Variants in FHDC1 observed in about 807,000 individuals in gnomAD.
The protein encoded by FHDC1 is FH2 domain containing 1.
FHDC1 carries 25 observed loss-of-function variants against 52.6 expected under a neutral mutation model. That is an observed-to-expected ratio of 0.48 (90% confidence interval 0.35 to 0.66). The LOEUF (loss-of-function observed/expected upper bound fraction) is 0.66, where lower values mean the gene tolerates loss of function less well. Among genes scored for constraint, FHDC1 ranks in the 30% least tolerant of loss-of-function variants. The pLI is 0.01. For synonymous variants in FHDC1, 616 were observed against 581.5 expected (o/e 1.06, Z -0.85); for missense variants, 1,459 against 1,452.8 (o/e 1.00, Z -0.07).
chr4:152,929,415 T>G, the FHDC1 span, among the ~76,000 whole-genome samples: 1 of 152,206 alleles, frequency 6.6e-6, no homozygotes, highest in Admixed American at 6.5e-5. The surrounding 1 kb of genome is among the most constrained non-coding windows in gnomAD (Gnocchi z 4.1). Context: ...GGGATTTCCT[T>G]GTGTGCAAAC....
upstream of FHDC1, among the ~76,000 whole-genome samples, chr4:152,933,028 T>C (rs1466320836): frequency 2.0e-5 from 3 of 152,228 alleles, no homozygotes; most frequent in African/African-American, 7.2e-5. Flanking sequence ...GCAGTTCTTC[T>C]GCAGGGCCTG....
At position 152,964,971 on chromosome 4, in the gene FHDC1, G is replaced by A; in HGVS notation, c.1096G>A (p.Ala366Thr). The stretch of plus-strand genomic sequence containing the variant: ...AAAATTGCATCATGTTCAGAAGACT[G>A]CTAGGTGAGCAAGTGAATTGTGAGA... ...SEKLHHVQKTARLSLENTEAE... is the reference protein window; with the variant it reads ...SEKLHHVQKTTRLSLENTEAE... The change falls in exon 9 of 12, where the codon GCT (alanine) becomes ACT (threonine). Residue 366 changes from alanine to threonine, a missense_variant. By Grantham distance (58) the Ala-to-Thr change is moderately conservative (BLOSUM62 0). Transcript: ENST00000511601. The A allele has an allele frequency of 6.2e-7, 1 of 1,608,482 alleles. No individual in the cohort carries two copies. Among genetic ancestry groups the A allele is most frequent in the Non-Finnish European group, 8.5e-7 (1 of 1,178,044 alleles).
the FHDC1 span, among the ~76,000 whole-genome samples, chr4:152,924,754 G>A: frequency 4.6e-5 from 7 of 150,668 alleles, no homozygotes; most frequent in Non-Finnish European, 5.9e-5. Context: ...GTAAACTATC[G>A]CAAGAACAAA....
chr4:152,975,771 G>C lies in FHDC1; in HGVS notation c.2480G>C (p.Ser827Thr), dbSNP rs1182327439. 6.4e-6 allele frequency: 10 copies of C among 1,561,672 alleles called. No homozygotes were observed. The highest frequency in any genetic ancestry group is 5.2e-6 in the Non-Finnish European group (6 of 1,152,042). Residue 827 changes from serine to threonine, a missense_variant, in exon 12 of 12, where the codon AGC becomes ACC. Transcript: ENST00000511601. Reference protein sequence around the residue: ...DSQVSSNPTSSPPGEAPAPVS... With the variant: ...DSQVSSNPTSTPPGEAPAPVS... ...CAAGTCTCCTCCAACCCTACATCCA[G>C]CCCCCCTGGGGAGGCTCCTGCCCCC...
In FHDC1 at chr4:152,976,187, A is replaced by G. The variant is rs1740873828; in HGVS notation, c.2896A>G (p.Ser966Gly). 6.2e-7 allele frequency: 1 copy of G among 1,612,574 alleles called. No individual in the cohort carries two copies. The highest frequency in any genetic ancestry group is 1.1e-5 in the South Asian group (1 of 91,074). The change falls in exon 12 of 12, where the codon AGC becomes GGC. Residue 966 changes from serine to glycine, a missense_variant. This residue lies in a region of FHDC1 where 939 missense variants were observed against 854.5 expected (regional missense o/e 1.10). Transcript: ENST00000511601. ...RLPRGSSGSS[S>G]TRPGRDVPLQ... The stretch of plus-strand genomic sequence containing the variant: ...GCCGCGGGGGAGCAGCGGCTCCAGC[A>G]GCACCCGTCCGGGGAGGGACGTTCC...
chr4:152,939,034 CT>C (rs1185808845), intron 1 of FHDC1, among the ~76,000 whole-genome samples: 2 of 152,168 alleles, frequency 1.3e-5, no homozygotes. Flanking sequence ...CCTATATACT[CT>C]TTTTTCTTGG....
intron 4 of FHDC1, among the ~76,000 whole-genome samples, chr4:152,959,843 A>G: frequency 6.6e-6 from 1 of 152,182 alleles, no homozygotes; most frequent in East Asian, 1.9e-4. Context: ...TTTATTGCCT[A>G]GTCTTTTCAG....
chr4:152,964,166 GACTC>G (rs1279818564), intron 8 of FHDC1, among the ~76,000 whole-genome samples: 1 of 152,172 alleles, frequency 6.6e-6, no homozygotes, highest in African/African-American at 2.4e-5. Context: ...TGAAGGAGCT[GACTC>G]CATAAAGTGC....
intron 10 of FHDC1, among the ~76,000 whole-genome samples, chr4:152,971,790 C>A (rs1188367245): frequency 1.3e-5 from 2 of 152,338 alleles, no homozygotes; most frequent in East Asian, 3.9e-4. Context: ...GGAATACAGG[C>A]ATGGCCTGTT....
intron 3 of FHDC1, among the ~76,000 whole-genome samples, chr4:152,953,762 G>T (rs1390153158): frequency 6.6e-6 from 1 of 152,220 alleles, no homozygotes; most frequent in African/African-American, 2.4e-5. Context: ...AGTATATGGA[G>T]AATTGCCCCA....
At position 152,974,814 on chromosome 4, in the gene FHDC1, C is replaced by A; in HGVS notation, c.1523C>A (p.Thr508Asn). ...SSSENDVELLTKKGAEGLLPF... is the reference protein window; with the variant it reads ...SSSENDVELLNKKGAEGLLPF... ...AGTGAGAATGATGTGGAGCTGCTGA[C>A]CAAGAAGGGTGCAGAGGGCCTGCTC... Residue 508 changes from threonine to asparagine, a missense_variant, in exon 12 of 12, where the codon ACC (threonine) becomes AAC (asparagine). Thr to Asn is a moderately conservative substitution (Grantham distance 65, BLOSUM62 0). Coordinates refer to ENST00000511601, the MANE Select transcript of FHDC1 (RefSeq NM_001371116.1). 1.9e-6 allele frequency: 3 copies of A among 1,577,804 alleles called. No individual in the cohort carries two copies. The highest frequency in any genetic ancestry group is 2.6e-6 in the Non-Finnish European group (3 of 1,157,912).
intron 8 of FHDC1, 76 bp downstream of exon 8, chr4:152,963,206 A>G (rs1328035511): frequency 1.5e-6 from 2 of 1,297,726 alleles, no homozygotes; most frequent in Non-Finnish European, 2.2e-6. Context: ...CCCAGGCATA[A>G]GATGGTGTCC....
rs368429472 is a variant in FHDC1 at position 152,949,090 on chromosome 4, GTAATAA to G, written c.499-4378_499-4373del. 6.9e-3 allele frequency among the ~76,000 whole-genome samples: 808 copies of G among 117,478 alleles called. 6 individuals carry two copies. Among genetic ancestry groups the G allele is most frequent in the African/African-American group, 0.013 (373 of 29,786 alleles). 77.1% of individuals were successfully genotyped at this position (117,478 alleles called of 152,430 possible). A position where few individuals can be genotyped will look rare whatever the true frequency, so the allele number is the denominator to read the frequency against. The stretch of plus-strand genomic sequence containing the variant: ...GGCAACAGAGCAAAACCTTGTCTCA[GTAATAA>G]TAATAATAATAATAATAATAATAAT... On this transcript the variant is annotated intron_variant, in intron 2 of 11. Transcript: ENST00000511601.
chr4:152,914,886 A>G, the FHDC1 span, among the ~76,000 whole-genome samples: 1 of 152,220 alleles, frequency 6.6e-6, no homozygotes, highest in South Asian at 2.1e-4. Flanking sequence ...CAAACTCTGT[A>G]AAAACTTTTT....
Position 152,979,142 on chromosome 4 carries a change from AG to A in FHDC1, c.*2421del, listed in dbSNP as rs1437523066. The A allele has an allele frequency of 3.3e-5, 5 of 152,240 alleles. No homozygotes were observed. Among genetic ancestry groups the A allele is most frequent in the African/African-American group, 1.2e-4 (5 of 41,470 alleles). The allele number at this position is 152,240 out of a possible 1,614,324, so 9.4% of individuals were successfully genotyped here. On this transcript the variant is annotated 3_prime_UTR_variant, in exon 12 of 12. Transcript: ENST00000511601. ...GAGGAACCCTGGGTACCAAGCTCCCAGGCCCTTCCTCTATCATGGATGCTGG... is the reference window on the plus strand; with the variant it reads ...GAGGAACCCTGGGTACCAAGCTCCCAGCCCTTCCTCTATCATGGATGCTGG...
In FHDC1 at chr4:152,976,779, G is replaced by A; in HGVS notation, c.*56G>A. 5 of 1,443,094 alleles carry A rather than the reference G, an allele frequency of 3.5e-6. No individual in the cohort carries two copies. The highest frequency in any genetic ancestry group is 3.7e-6 in the Non-Finnish European group (4 of 1,094,378). The allele number at this position is 1,443,094 out of a possible 1,614,324, so 89.4% of individuals were successfully genotyped here. On this transcript the variant is annotated 3_prime_UTR_variant, in exon 12 of 12. Coordinates refer to ENST00000511601, the MANE Select transcript of FHDC1 (RefSeq NM_001371116.1). Reference sequence around the variant, plus strand: ...TTCAGACGGTGAAGACTGACTTCTGGGACGAGGATGGGGAAAGAGGCAGCA... The same window carrying A: ...TTCAGACGGTGAAGACTGACTTCTGAGACGAGGATGGGGAAAGAGGCAGCA...
chr4:152,926,593 AAAAGGTGGCCTTGTTATGTAACTG>A, the FHDC1 span, among the ~76,000 whole-genome samples: 1 of 151,856 alleles, frequency 6.6e-6, no homozygotes, highest in East Asian at 1.9e-4. Context: ...AAAAAAAAAA[AAAAGGTGGCCTTGTTATGTAACTG>A]AAGCCCTTTA....
Position 152,976,195 on chromosome 4 carries a change from T to G in FHDC1, c.2904T>G (p.Arg968=). 1.9e-6 allele frequency: 3 copies of G among 1,612,618 alleles called. No homozygotes were observed. The highest frequency in any genetic ancestry group is 2.5e-6 in the Non-Finnish European group (3 of 1,179,776). ...GGAGCAGCGGCTCCAGCAGCACCCG[T>G]CCGGGGAGGGACGTTCCCCTGCAGC... is the stretch of plus-strand genomic sequence containing the variant. ...PRGSSGSSST[R]PGRDVPLQPR... is the part of the protein sequence containing the mutation. The change falls in exon 12 of 12, where the codon CGT becomes CGG. Residue 968 remains arginine (R), a synonymous_variant. Transcript: ENST00000511601.
At chr4:152,953,677 C>T in intron 3 of FHDC1, 117 bp downstream of exon 3, 1 of 860,140 alleles carries the variant, frequency 1.2e-6, no homozygotes, top group South Asian at 1.5e-5. Flanking sequence ...TTCTTAGACG[C>T]ATGGCTTGAT....
Sources: gnomAD v4.1 joint callset for allele counts (sites outside exome capture counted in the v4.1 genomes callset) on GRCh38, gnomAD v4.1.1 for gene constraint, gnomAD v4.1.1 regional missense constraint, Gnocchi (gnomAD v3.1) non-coding constraint, MANE v1.5 for transcripts, NCBI Gene and HGNC (gene_info 2026-07-23, HGNC 2026-07-21) for gene names.